Variants in FOXP1 observed in about 807,000 individuals in gnomAD.
FOXP1 encodes the protein forkhead box P1.
In FOXP1, 15 loss-of-function variants were observed where a neutral mutation model predicts 98.2. That is an observed-to-expected ratio of 0.15 (90% confidence interval 0.10 to 0.24). The LOEUF (loss-of-function observed/expected upper bound fraction) is 0.24. FOXP1 is among the 10% of genes least tolerant of loss of function. The pLI is 1.00. For missense variants in FOXP1, 633 were observed against 848.5 expected (o/e 0.75, Z 3.15); for synonymous variants, 371 against 314.5 (o/e 1.18, Z -1.90).
intron 3 of FOXP1, among the ~76,000 whole-genome samples, chr3:71,445,316 T>G (rs1023805491): frequency 6.6e-6 from 1 of 152,110 alleles, no homozygotes; most frequent in African/African-American, 2.4e-5. Flanking sequence ...CTGAAACGAG[T>G]GCCACACACA....
At chr3:71,427,071 A>AG (rs2108360668) in intron 3 of FOXP1, among the ~76,000 whole-genome samples, 1 of 151,802 alleles carries the variant, frequency 6.6e-6, no homozygotes, top group South Asian at 2.1e-4. Flanking sequence ...AAAAAAAAAA[A>AG]AAAAAATCAG....
intron 3 of FOXP1, among the ~76,000 whole-genome samples, chr3:71,442,891 T>A (rs1327294091): frequency 1.3e-5 from 2 of 152,314 alleles, no homozygotes; most frequent in South Asian, 2.1e-4. Flanking sequence ...TTTTTATTTT[T>A]TTTTTATTTT....
chr3:71,357,363 A>G (rs2078232823), intron 4 of FOXP1, among the ~76,000 whole-genome samples: 1 of 152,262 alleles, frequency 6.6e-6, no homozygotes, highest in Non-Finnish European at 1.5e-5. Context: ...ACTGAGCTGT[A>G]TCTCTGCTGA....
chr3:71,213,175 G>A (rs2064632409), intron 5 of FOXP1, among the ~76,000 whole-genome samples: 1 of 152,146 alleles, frequency 6.6e-6, no homozygotes, highest in Non-Finnish European at 1.5e-5. Flanking sequence ...GAAAGATGTG[G>A]AAACACACGG....
intron 3 of FOXP1, among the ~76,000 whole-genome samples, chr3:71,437,276 G>A (rs1216153046): frequency 6.6e-6 from 1 of 152,070 alleles, no homozygotes; most frequent in African/African-American, 2.4e-5. Flanking sequence ...GCTTGGTGGT[G>A]CACAACTGTT....
At chr3:70,966,104 C>T in intron 19 of FOXP1, 48 bp from the exon 20 acceptor site, 2 of 1,488,544 alleles carry the variant, frequency 1.3e-6, no homozygotes, top group Non-Finnish European at 1.9e-6. Context: ...GTATGTAAGA[C>T]AAGGAAACTA....
intron 3 of FOXP1, among the ~76,000 whole-genome samples, chr3:71,454,635 T>A (rs2087277101): frequency 6.6e-6 from 1 of 152,108 alleles, no homozygotes; most frequent in Admixed American, 6.6e-5. Flanking sequence ...CAGCTTGACC[T>A]CCATGCACCT....
intron 4 of FOXP1, among the ~76,000 whole-genome samples, chr3:71,348,325 C>T (rs1279546877): frequency 6.6e-6 from 1 of 152,150 alleles, no homozygotes; most frequent in African/African-American, 2.4e-5. Context: ...AGAATAAATA[C>T]TAAATTCATG....
At chr3:71,437,373 C>A (rs528428615) in intron 3 of FOXP1, among the ~76,000 whole-genome samples, 1 of 152,280 alleles carries the variant, frequency 6.6e-6, no homozygotes, top group South Asian at 2.1e-4. Context: ...TACCACTGCA[C>A]TCCAGCCTGA....
intron 5 of FOXP1, among the ~76,000 whole-genome samples, chr3:71,229,974 C>T (rs2066152360): frequency 6.6e-6 from 1 of 152,100 alleles, no homozygotes; most frequent in African/African-American, 2.4e-5. Context: ...CTCAGATTAT[C>T]TCAGTGGCGC....
chr3:71,103,135 C>T (rs902873862), intron 7 of FOXP1, among the ~76,000 whole-genome samples: 3 of 152,076 alleles, frequency 2.0e-5, no homozygotes, highest in African/African-American at 4.8e-5. Context: ...TAGGGGGTTG[C>T]AGCCTGGTCA....
At chr3:71,498,987 T>A (rs768183337) in intron 2 of FOXP1, among the ~76,000 whole-genome samples, 4 of 152,136 alleles carry the variant, frequency 2.6e-5, no homozygotes, top group African/African-American at 4.8e-5. Flanking sequence ...GTTACCTGGT[T>A]GAGTTATGGC....
intron 3 of FOXP1, among the ~76,000 whole-genome samples, chr3:71,432,868 T>TCAA (rs1560478212): frequency 5.0e-5 from 7 of 139,026 alleles, no homozygotes; most frequent in African/African-American, 1.1e-4. Flanking sequence ...AAAAAAAAAT[T>TCAA]AAAAAAAAAA....
chr3:70,991,705 C>A (rs2040625595), intron 13 of FOXP1, among the ~76,000 whole-genome samples: 1 of 152,164 alleles, frequency 6.6e-6, no homozygotes, highest in Non-Finnish European at 1.5e-5. Flanking sequence ...TTTGATTTAA[C>A]AGAGGTAAAG....
At chr3:71,020,585 G>A (rs1388437444) in intron 11 of FOXP1, among the ~76,000 whole-genome samples, 1 of 152,142 alleles carries the variant, frequency 6.6e-6, no homozygotes, top group African/African-American at 2.4e-5. Context: ...TGTTAGTCCT[G>A]TAAGCTAATT....
intron 6 of FOXP1, among the ~76,000 whole-genome samples, chr3:71,166,536 G>A (rs1333032558): frequency 6.6e-6 from 1 of 152,146 alleles, no homozygotes; most frequent in Admixed American, 6.5e-5. Flanking sequence ...TAAACTTCTT[G>A]TTTATTTTAA....
chr3:71,535,748 G>A lies in FOXP1; in HGVS notation c.-297-42193C>T, dbSNP rs539162007. The stretch of plus-strand genomic sequence containing the variant: ...CAAAAGAAGAGAAAGAAACAGGGAT[G>A]AGAAATTAGAGAACTCTGTTCAGGC... On this transcript the variant is annotated intron_variant, in intron 2 of 20. Coordinates refer to ENST00000649528, the MANE Select transcript of FOXP1 (RefSeq NM_001349338.3). 6.6e-5 allele frequency among the ~76,000 whole-genome samples: 10 copies of A among 152,210 alleles called. No homozygotes were observed. The South Asian group carries it at 2.1e-3, about 32-fold the overall frequency.
intron 6 of FOXP1, among the ~76,000 whole-genome samples, chr3:71,128,800 C>G (rs963211243): frequency 6.6e-6 from 1 of 151,928 alleles, no homozygotes; most frequent in Non-Finnish European, 1.5e-5. Context: ...TCCCATAAAA[C>G]CATTAGTTGC....
intron 2 of FOXP1, among the ~76,000 whole-genome samples, chr3:71,514,361 C>T (rs1560590548): frequency 2.0e-5 from 3 of 152,232 alleles, no homozygotes. Flanking sequence ...TCTCACTCCA[C>T]AGAACTGCCA....
Sources: allele counts gnomAD v4.1 joint callset (sites outside exome capture counted in the v4.1 genomes callset), GRCh38; gene constraint gnomAD v4.1.1; transcripts MANE v1.5; gene names NCBI Gene and HGNC (gene_info 2026-07-23, HGNC 2026-07-21).